The following NCKAP5 variants were observed in gnomAD, a reference collection of about 807,000 sequenced individuals.
NCKAP5 encodes NCK associated protein 5.
A neutral mutation model predicts 167.0 loss-of-function variants in NCKAP5; 92 were observed. That is an observed-to-expected ratio of 0.55 (90% confidence interval 0.47 to 0.66). The LOEUF (loss-of-function observed/expected upper bound fraction) is 0.66. Among genes scored for constraint, NCKAP5 ranks in the 30% least tolerant of loss-of-function variants. NCKAP5 has a pLI of 0.00. For missense variants in NCKAP5, 2,378 were observed against 2,315.0 expected (o/e 1.03, Z -0.56); for synonymous variants, 891 against 877.4 (o/e 1.02, Z -0.27).
chr2:133,179,165 G>A (rs2084621497), intron 5 of NCKAP5, among the ~76,000 whole-genome samples: 1 of 149,698 alleles, frequency 6.7e-6, no homozygotes, highest in Non-Finnish European at 1.5e-5. Context: ...AAAGCAAAAA[G>A]TAACAAAAAT....
chr2:133,349,713 C>A (rs1215614261), intron 3 of NCKAP5, among the ~76,000 whole-genome samples: 1 of 152,142 alleles, frequency 6.6e-6, no homozygotes, highest in Admixed American at 6.5e-5. Context: ...TTGGGAAGCA[C>A]AAAGAAATAA....
intron 6 of NCKAP5, among the ~76,000 whole-genome samples, chr2:133,094,271 T>C (rs1370596): frequency 0.61 from 92,060 of 151,944 alleles, 30,066 homozygotes; most frequent in East Asian, 0.96. Flanking sequence ...GAGGGAGCCA[T>C]TGTGGATTGG....
intron 3 of NCKAP5, among the ~76,000 whole-genome samples, chr2:133,416,929 T>G (rs893943846): frequency 2.0e-5 from 3 of 152,204 alleles, no homozygotes; most frequent in Admixed American, 6.5e-5. Flanking sequence ...CTCCTTTCCC[T>G]GCCAAACATT....
chr2:133,584,994 G>GAAGGAAGGAAGGA, the NCKAP5 span, among the ~76,000 whole-genome samples: 6 of 148,904 alleles, frequency 4.0e-5, no homozygotes, highest in Non-Finnish European at 4.5e-5. Context: ...AGGAAGGAAG[G>GAAGGAAGGAAGGA]AGGGAAAGAA....
Position 132,750,569 on chromosome 2 carries a change from A to G in NCKAP5, c.5129-18518T>C, listed in dbSNP as rs1680024688. 2.0e-5 allele frequency among the ~76,000 whole-genome samples: 3 copies of G among 152,202 alleles called. No homozygotes were observed. The South Asian group carries it at 6.2e-4, about 32-fold the overall frequency. On this transcript the variant is annotated intron_variant, in intron 16 of 19. Transcript: ENST00000409261. ...CTAAAATAAAGAGCTGAGTTATAGC[A>G]TGGGAAAAGATCATAATAGGAGGGT...
chr2:133,361,324 C>G (rs1163923923), intron 3 of NCKAP5, among the ~76,000 whole-genome samples: 2 of 152,120 alleles, frequency 1.3e-5, no homozygotes, highest in Non-Finnish European at 2.9e-5. Flanking sequence ...AAGAAGATGT[C>G]AAAGTATTAG....
chr2:133,055,341 G>C (rs1398244501), intron 6 of NCKAP5, among the ~76,000 whole-genome samples: 1 of 152,036 alleles, frequency 6.6e-6, no homozygotes, highest in African/African-American at 2.4e-5. Flanking sequence ...GCTGAGAACA[G>C]AGAGTGAGTT....
At chr2:132,917,163 G>T (rs1477610168) in intron 8 of NCKAP5, among the ~76,000 whole-genome samples, 1 of 152,120 alleles carries the variant, frequency 6.6e-6, no homozygotes, top group Non-Finnish European at 1.5e-5. Context: ...CTTGTCCAAG[G>T]TAACTGAAAA....
chr2:133,613,285 T>A, the NCKAP5 span, among the ~76,000 whole-genome samples: 2 of 152,182 alleles, frequency 1.3e-5, no homozygotes, highest in Non-Finnish European at 2.9e-5. Context: ...TAATGTTCAA[T>A]GGATGCAATG....
chr2:133,007,082 T>C (rs538553046), intron 6 of NCKAP5, among the ~76,000 whole-genome samples: 1 of 152,312 alleles, frequency 6.6e-6, no homozygotes, highest in East Asian at 1.9e-4. Flanking sequence ...ATATGGTCAG[T>C]GTAACCTCAG....
chr2:133,116,042 A>C (rs1284803656), intron 6 of NCKAP5, among the ~76,000 whole-genome samples: 1 of 151,800 alleles, frequency 6.6e-6, no homozygotes, highest in Non-Finnish European at 1.5e-5. Flanking sequence ...AATTTAACTG[A>C]AGATCAATTT....
rs1186061731 is a variant in NCKAP5 at position 132,755,658 on chromosome 2, G to A, written c.5128+18158C>T. Among the ~76,000 whole-genome samples, 6 of 151,684 alleles carry A rather than the reference G, an allele frequency of 4.0e-5. No individual in the cohort carries two copies. In the East Asian group the frequency reaches 5.9e-4, roughly 15 times the overall value. ...AGCCTGACCAACATGGTGAAACCCCGTCTCAACTAAAAATACAAAAATTAG... is the reference window on the plus strand; with the variant it reads ...AGCCTGACCAACATGGTGAAACCCCATCTCAACTAAAAATACAAAAATTAG... On this transcript the variant is annotated intron_variant, in intron 16 of 19. Coordinates refer to ENST00000409261, the MANE Select transcript of NCKAP5 (RefSeq NM_207363.3).
chr2:133,182,539 C>A (rs2084782882), intron 5 of NCKAP5, among the ~76,000 whole-genome samples: 1 of 152,036 alleles, frequency 6.6e-6, no homozygotes, highest in African/African-American at 2.4e-5. Flanking sequence ...ATGTGTCAAA[C>A]AAGTCTCAAG....
chr2:133,123,417 A>G (rs1235033514), intron 6 of NCKAP5: 1 of 188,254 alleles, frequency 5.3e-6, no homozygotes, highest in African/African-American at 2.3e-5. Flanking sequence ...TTATCCAGGC[A>G]TTTTAAAAGA....
intron 2 of NCKAP5, among the ~76,000 whole-genome samples, chr2:133,541,231 T>C (rs1297107055): frequency 4.6e-5 from 7 of 151,696 alleles, no homozygotes; most frequent in Non-Finnish European, 8.8e-5. Flanking sequence ...TGAATTTTTG[T>C]CTCATTGTCT....
intron 3 of NCKAP5, among the ~76,000 whole-genome samples, chr2:133,494,230 C>T (rs1055881493): frequency 6.6e-6 from 1 of 152,142 alleles, no homozygotes; most frequent in Non-Finnish European, 1.5e-5. Flanking sequence ...TCTCATATAG[C>T]CAAAAACCAT....
At chr2:133,539,155 T>C (rs1244381252) in intron 2 of NCKAP5, among the ~76,000 whole-genome samples, 2 of 152,046 alleles carry the variant, frequency 1.3e-5, no homozygotes, top group African/African-American at 4.8e-5. Context: ...TTAGCTAGGA[T>C]GGTCTCGGTC....
At chr2:133,103,611 C>A (rs1454410300) in intron 6 of NCKAP5, among the ~76,000 whole-genome samples, 2 of 152,112 alleles carry the variant, frequency 1.3e-5, no homozygotes, top group African/African-American at 4.8e-5. Flanking sequence ...CTGGTGAAGA[C>A]AGCAAGACCC....
chr2:133,175,569 T>C (rs1334342303), intron 5 of NCKAP5, among the ~76,000 whole-genome samples: 1 of 152,228 alleles, frequency 6.6e-6, no homozygotes, highest in Admixed American at 6.5e-5. Flanking sequence ...GTCAGGGTTA[T>C]CCAAAACTTT....
Sources: gnomAD v4.1 joint callset for allele counts (sites outside exome capture counted in the v4.1 genomes callset) on GRCh38, gnomAD v4.1.1 for gene constraint, MANE v1.5 for transcripts, NCBI Gene and HGNC (gene_info 2026-07-23, HGNC 2026-07-21) for gene names.